SLC4A8: variants seen among roughly 807,000 people sequenced by gnomAD.
The protein encoded by SLC4A8 is solute carrier family 4 member 8.
SLC4A8 carries 40 observed loss-of-function variants against 125.0 expected under a neutral mutation model. That is an observed-to-expected ratio of 0.32 (90% CI 0.25 to 0.42). SLC4A8 has a LOEUF of 0.42. SLC4A8 is among the 10% of genes least tolerant of loss of function. SLC4A8 has a pLI of 1.00. For synonymous variants in SLC4A8, 456 were observed against 476.0 expected (o/e 0.96, Z 0.55); for missense variants, 863 against 1,355.1 (o/e 0.64, Z 5.70).
Position 51,457,361 on chromosome 12 carries a change from GGATCAGCAA to G in SLC4A8, c.588_596del (p.Asp196_Gln198del), listed in dbSNP as rs1454972360. ...GTGCCTGCTTTCCAGACCTGATCCT[GGATCAGCAA>G]GAACTGTCCAGTGACCTGAATGACA... On this transcript the variant is annotated inframe_deletion, in exon 6 of 25. Coordinates refer to ENST00000453097, the MANE Select transcript of SLC4A8 (RefSeq NM_001039960.3). The G allele has an allele frequency of 6.2e-7, 1 of 1,613,488 alleles. No homozygotes were observed. Among genetic ancestry groups the G allele is most frequent in the East Asian group, 2.2e-5 (1 of 44,878 alleles).
chr12:51,468,326 C>T (rs1372831726), intron 11 of SLC4A8, among the ~76,000 whole-genome samples: 2 of 152,202 alleles, frequency 1.3e-5, no homozygotes, highest in Non-Finnish European at 2.9e-5. Flanking sequence ...TGAATCCATC[C>T]ACTTCTCATC....
At chr12:51,394,922 C>T (rs545393160) in intron 1 of SLC4A8, among the ~76,000 whole-genome samples, 107 of 152,096 alleles carry the variant, frequency 7.0e-4, no homozygotes, top group African/African-American at 2.0e-3. Context: ...CCAGTTACTT[C>T]GGAGGCTCAG....
At chr12:51,429,034 C>T (rs1436866056) in intron 1 of SLC4A8, among the ~76,000 whole-genome samples, 2 of 152,092 alleles carry the variant, frequency 1.3e-5, no homozygotes, top group East Asian at 1.9e-4. Context: ...CTCAGCATCC[C>T]GAGTAGCTGG....
chr12:51,478,312 G>T (rs1250668090), intron 16 of SLC4A8, among the ~76,000 whole-genome samples: 1 of 151,704 alleles, frequency 6.6e-6, no homozygotes, highest in Non-Finnish European at 1.5e-5. Context: ...GCTGGCAGGT[G>T]CCTGTAATCC....
At chr12:51,485,173 G>A (rs747754593) in intron 16 of SLC4A8, among the ~76,000 whole-genome samples, 6 of 152,180 alleles carry the variant, frequency 3.9e-5, no homozygotes, top group Admixed American at 2.0e-4. Flanking sequence ...CCATTTCAGG[G>A]TTTTGATAGA....
chr12:51,499,733 G>C (rs1477232394), intron 22 of SLC4A8, among the ~76,000 whole-genome samples: 2 of 152,244 alleles, frequency 1.3e-5, no homozygotes, highest in African/African-American at 2.4e-5. Context: ...GATGATTAGA[G>C]ATGACTTCTG....
chr12:51,446,147 C>T (rs1949767573), intron 2 of SLC4A8, among the ~76,000 whole-genome samples: 1 of 152,170 alleles, frequency 6.6e-6, no homozygotes, highest in African/African-American at 2.4e-5. Context: ...TAGCAGATGA[C>T]CTCCTCTGGC....
chr12:51,403,584 C>T (rs763247511), intron 1 of SLC4A8, among the ~76,000 whole-genome samples: 4 of 152,214 alleles, frequency 2.6e-5, no homozygotes, highest in Non-Finnish European at 5.9e-5. Context: ...AAGAAGCACC[C>T]CTCAGAGTCT....
Position 51,480,626 on chromosome 12 carries a change from A to G in SLC4A8, c.2173-5161A>G, listed in dbSNP as rs917348917. On this transcript the variant is annotated intron_variant, in intron 16 of 24. Coordinates refer to ENST00000453097, the MANE Select transcript of SLC4A8 (RefSeq NM_001039960.3). ...GAAAACATAATGTGTCAAAATTTGT[A>G]TTTTGTTCATTGATCTAAATGCCCG... 5.1e-6 allele frequency: 5 copies of G among 985,412 alleles called. No individual in the cohort carries two copies. The African/African-American group carries it at 5.2e-5, about 10-fold the overall frequency. 61.0% of individuals were successfully genotyped at this position (985,412 alleles called of 1,614,324 possible).
intron 1 of SLC4A8, among the ~76,000 whole-genome samples, chr12:51,430,164 C>A (rs1034603998): frequency 6.6e-6 from 1 of 152,016 alleles, no homozygotes; most frequent in Non-Finnish European, 1.5e-5. Context: ...CAATAATAAA[C>A]CCTGGTAAGT....
chr12:51,457,255 C>T (rs1035855214), intron 5 of SLC4A8, 96 bp from the exon 6 acceptor site: 8 of 956,952 alleles, frequency 8.4e-6, no homozygotes, highest in Non-Finnish European at 1.3e-5. Flanking sequence ...GCTGCTTCCC[C>T]CTACTCCATG....
chr12:51,483,464 T>A (rs1300232328), intron 16 of SLC4A8, among the ~76,000 whole-genome samples: 3 of 151,118 alleles, frequency 2.0e-5, no homozygotes, highest in Non-Finnish European at 4.4e-5. Context: ...TTTCTTTTTT[T>A]CTTTTCTCTT....
chr12:51,461,399 A>T lies in SLC4A8; in HGVS notation c.1101+108A>T. ...TGGGGATAAAATACTTTCCATTGCA[A>T]TATCTGCTGGGAAGTAGTTCAGGGT... On this transcript the variant is annotated intron_variant, in intron 9 of 24. Coordinates refer to ENST00000453097, the MANE Select transcript of SLC4A8 (RefSeq NM_001039960.3). 3 of 703,486 alleles carry T rather than the reference A, an allele frequency of 4.3e-6. No individual in the cohort carries two copies. In the South Asian group the frequency reaches 4.9e-5, roughly 12 times the overall value. 43.6% of individuals were successfully genotyped at this position (703,486 alleles called of 1,614,324 possible).
intron 1 of SLC4A8, among the ~76,000 whole-genome samples, chr12:51,433,880 G>GTTTTTTTTTTTTTTTT (rs1565772475): frequency 7.0e-5 from 5 of 71,736 alleles, no homozygotes; most frequent in African/African-American, 1.1e-4. Flanking sequence ...TTTTTTTTTG[G>GTTTTTTTTTTTTTTTT]TTGGTTTTTT....
chr12:51,489,636 T>A (rs1011965925), intron 18 of SLC4A8, 64 bp from the exon 19 acceptor site: 2 of 1,594,742 alleles, frequency 1.3e-6, no homozygotes, highest in African/African-American at 1.3e-5. Context: ...GACCCGTAGC[T>A]CACTGTTCTA....
At chr12:51,489,660 C>G in intron 18 of SLC4A8, 40 bp from the exon 19 acceptor site, 1 of 1,611,336 alleles carries the variant, frequency 6.2e-7, no homozygotes, top group Non-Finnish European at 8.5e-7. Context: ...CCTACTACAG[C>G]TAGCCTACTG....
At chr12:51,397,032 C>A (rs541034643) in intron 1 of SLC4A8, among the ~76,000 whole-genome samples, 2 of 145,262 alleles carry the variant, frequency 1.4e-5, no homozygotes, top group African/African-American at 5.1e-5. Flanking sequence ...CAGGTTCAAG[C>A]GATTCTCGTG....
chr12:51,498,614 C>A (rs896872799), intron 22 of SLC4A8, among the ~76,000 whole-genome samples: 21 of 150,014 alleles, frequency 1.4e-4, no homozygotes, highest in African/African-American at 5.2e-4. Flanking sequence ...GGCGCGGTGG[C>A]TCATGCCTAT....
intron 22 of SLC4A8, among the ~76,000 whole-genome samples, chr12:51,500,916 A>T (rs1235167736): frequency 6.7e-6 from 1 of 149,358 alleles, no homozygotes; most frequent in African/African-American, 2.5e-5. Context: ...TTTAGGGTAC[A>T]TGTGCACAAC....
Sources: allele counts gnomAD v4.1 joint callset (sites outside exome capture counted in the v4.1 genomes callset), GRCh38; gene constraint gnomAD v4.1.1; transcripts MANE v1.5; gene names NCBI Gene and HGNC (gene_info 2026-07-23, HGNC 2026-07-21).